The following PCMTD2 variants were observed in gnomAD, a reference collection of about 807,000 sequenced individuals.
PCMTD2 encodes protein-L-isoaspartate O-methyltransferase domain-containing protein 2.
Under a neutral mutation model 33.4 loss-of-function variants are expected in PCMTD2, and 16 were observed. The ratio of observed to expected loss-of-function variants is 0.48; its 90% CI spans 0.32 to 0.73. PCMTD2 has a LOEUF of 0.73. PCMTD2 is among the 30% of genes least tolerant of loss of function. The pLI, the probability that PCMTD2 is intolerant of heterozygous loss-of-function variation, is 0.03. For missense variants in PCMTD2, 374 were observed against 449.9 expected (o/e 0.83, Z 1.53); for synonymous variants, 161 against 160.8 (o/e 1.00, Z -0.01).
chr20:64,272,571 C>T (rs183005121), intron 5 of PCMTD2, among the ~76,000 whole-genome samples: 43 of 152,334 alleles, frequency 2.8e-4, no homozygotes, highest in Admixed American at 3.3e-4. Context: ...CTAATCCCAG[C>T]GCTTTGGGAG....
chr20:64,265,674 C>G (rs6090092), intron 4 of PCMTD2: 81,052 of 384,410 alleles, frequency 0.21, 10,653 homozygotes, highest in African/African-American at 0.45. Flanking sequence ...CTGTCTCTCT[C>G]TTTTTCCTTC....
chr20:64,268,102 G>T, intron 5 of PCMTD2, 92 bp downstream of exon 5: 1 of 1,051,268 alleles, frequency 9.5e-7, no homozygotes, highest in South Asian at 1.6e-5. Context: ...CAAACCTTTT[G>T]ATATTAAAAA....
At chr20:64,272,890 G>A (rs544212168) in intron 5 of PCMTD2, among the ~76,000 whole-genome samples, 1 of 152,284 alleles carries the variant, frequency 6.6e-6, no homozygotes, top group East Asian at 1.9e-4. Context: ...CATGAACACA[G>A]CAAATAATAG....
chr20:64,273,503 A>G lies in PCMTD2; in HGVS notation c.989A>G (p.Lys330Arg), dbSNP rs1367658338. Residue 330 changes from lysine (K) to arginine (R), a missense_variant, in exon 6 of 6, where the codon AAG becomes AGG. Coordinates refer to ENST00000308824, the MANE Select transcript of PCMTD2 (RefSeq NM_018257.3). The part of the protein sequence containing the change: ...EEEEKTPPET[K>R]PDPPVNFLRQ... ...GAAGAGAAGACCCCGCCGGAAACAAAGCCAGACCCCCCAGTGAACTTCCTA... is the reference window on the plus strand; with the variant it reads ...GAAGAGAAGACCCCGCCGGAAACAAGGCCAGACCCCCCAGTGAACTTCCTA... 6.2e-7 allele frequency: 1 copy of G among 1,605,852 alleles called. No homozygotes were observed. Among genetic ancestry groups the G allele is most frequent in the South Asian group, 1.1e-5 (1 of 89,654 alleles).
In PCMTD2 at chr20:64,264,422, CT is replaced by C. The variant is rs748521662; in HGVS notation, c.308-3del. On this transcript the variant is annotated splice_region_variant and splice_polypyrimidine_tract_variant and intron_variant, in intron 2 of 5. Coordinates refer to ENST00000308824, the MANE Select transcript of PCMTD2 (RefSeq NM_018257.3). ...TCTACATGTTTTCTTATTCTTAAAC[CT>C]TTTAGGTCCTTTTGGTGTGAACCAT... is the stretch of plus-strand genomic sequence containing the variant. 18 of 1,461,512 alleles carry C rather than the reference CT, an allele frequency of 1.2e-5. 1 individual carries two copies. Among genetic ancestry groups the C allele is most frequent in the Non-Finnish European group, 7.7e-6 (8 of 1,041,374 alleles). 90.5% of individuals were successfully genotyped at this position (1,461,512 alleles called of 1,614,324 possible). A position where few individuals can be genotyped will look rare whatever the true frequency, so the allele number is the denominator to read the frequency against.
At chr20:64,269,720 C>T (rs974269314) in intron 5 of PCMTD2, among the ~76,000 whole-genome samples, 1 of 150,512 alleles carries the variant, frequency 6.6e-6, no homozygotes. Context: ...GGTGTGGGGT[C>T]GTGAGAGTGC....
At chr20:64,264,201 G>A (rs757580903) in intron 2 of PCMTD2, among the ~76,000 whole-genome samples, 1 of 152,210 alleles carries the variant, frequency 6.6e-6, no homozygotes, top group Non-Finnish European at 1.5e-5. Context: ...CTGAACACTT[G>A]GTTTGTCTCC....
intron 1 of PCMTD2, among the ~76,000 whole-genome samples, chr20:64,257,816 G>A (rs1044271768): frequency 2.6e-5 from 4 of 152,198 alleles, no homozygotes; most frequent in Admixed American, 1.3e-4. Flanking sequence ...TTGCCATACA[G>A]TCCTGGGTTT....
At chr20:64,257,913 T>G (rs2145751994) in intron 1 of PCMTD2, among the ~76,000 whole-genome samples, 1 of 152,318 alleles carries the variant, frequency 6.6e-6, no homozygotes, top group East Asian at 1.9e-4. Context: ...TGTTGTGAAG[T>G]GTAAATGAGG....
In PCMTD2 at chr20:64,264,534, A is replaced by C; in HGVS notation, c.410+3A>C. ...AGAACAAGTGATAGTTTTGACAAGT[A>C]AGATGAAATACTATCCATTGGCTCA... On this transcript the variant is annotated splice_donor_region_variant and intron_variant, in intron 3 of 5. Transcript: ENST00000308824. 7.2e-7 allele frequency: 1 copy of C among 1,393,796 alleles called. No individual in the cohort carries two copies. Among genetic ancestry groups the C allele is most frequent in the Non-Finnish European group, 1.0e-6 (1 of 979,308 alleles). 86.3% of individuals were successfully genotyped at this position (1,393,796 alleles called of 1,614,324 possible).
At chr20:64,256,403 GTT>G (rs1044080697) in intron 1 of PCMTD2, among the ~76,000 whole-genome samples, 2 of 152,158 alleles carry the variant, frequency 1.3e-5, no homozygotes, top group African/African-American at 4.8e-5. Context: ...TCGGGCCTTT[GTT>G]TTGTTTTTGT....
intron 5 of PCMTD2, among the ~76,000 whole-genome samples, chr20:64,270,212 C>T (rs1263145454): frequency 2.5e-5 from 3 of 120,994 alleles, no homozygotes; most frequent in Admixed American, 8.4e-5. Context: ...TGCGGGCGTG[C>T]GTGGTGCGGG....
chr20:64,256,830 A>C (rs1417678821), intron 1 of PCMTD2: 2 of 152,202 alleles, frequency 1.3e-5, no homozygotes, highest in Non-Finnish European at 2.9e-5. Flanking sequence ...CTGTGTATTT[A>C]GTAGGCATTG....
intron 2 of PCMTD2, among the ~76,000 whole-genome samples, chr20:64,260,675 G>A (rs1490319708): frequency 3.3e-5 from 5 of 150,982 alleles, no homozygotes; most frequent in Admixed American, 2.6e-4. Flanking sequence ...AAGTCCTTTC[G>A]GAGTACTTCT....
chr20:64,265,467 T>G, intron 4 of PCMTD2, 38 bp downstream of exon 4: 1 of 1,517,280 alleles, frequency 6.6e-7, no homozygotes, highest in Non-Finnish European at 9.1e-7. Context: ...CTGCACACTG[T>G]GTGCCAAGGT....
At chr20:64,264,622 A>G (rs1055748012) in intron 3 of PCMTD2, 91 bp downstream of exon 3, 8 of 700,800 alleles carry the variant, frequency 1.1e-5, no homozygotes, top group South Asian at 9.6e-5. Context: ...GTGGTAGGAA[A>G]CATAATTAAA....
chr20:64,273,669 C>G lies in PCMTD2; in HGVS notation c.*69C>G. On this transcript the variant is annotated 3_prime_UTR_variant, in exon 6 of 6. Coordinates refer to ENST00000308824, the MANE Select transcript of PCMTD2 (RefSeq NM_018257.3). The stretch of plus-strand genomic sequence containing the variant: ...GTGTGAAGTTCGTGCTGCCTGTGTG[C>G]TGTTGAAGGGTCACCTGGAGGCAGA... 1.4e-6 allele frequency: 2 copies of G among 1,388,680 alleles called. No individual in the cohort carries two copies. Among genetic ancestry groups the G allele is most frequent in the Non-Finnish European group, 1.9e-6 (2 of 1,028,464 alleles). 86.0% of individuals were successfully genotyped at this position (1,388,680 alleles called of 1,614,324 possible).
At chr20:64,264,609 C>CGAA (rs1985574489) in intron 3 of PCMTD2, 78 bp downstream of exon 3, 1 of 754,520 alleles carries the variant, frequency 1.3e-6, no homozygotes, top group Non-Finnish European at 2.4e-6. Flanking sequence ...AGAAAGAAAT[C>CGAA]ATGTGGTAGG....
At chr20:64,270,480 G>A (rs898462090) in intron 5 of PCMTD2, among the ~76,000 whole-genome samples, 4 of 151,034 alleles carry the variant, frequency 2.6e-5, no homozygotes, top group African/African-American at 7.3e-5. Context: ...GTGTGAATGC[G>A]GGCGTGCATG....
Sources: allele counts gnomAD v4.1 joint callset (sites outside exome capture counted in the v4.1 genomes callset), GRCh38; gene constraint gnomAD v4.1.1; transcripts MANE v1.5; gene names NCBI Gene and HGNC (gene_info 2026-07-23, HGNC 2026-07-21).